Variants in ABHD6 observed in about 807,000 individuals in gnomAD.
ABHD6 encodes the protein monoacylglycerol lipase ABHD6.
A neutral mutation model predicts 38.8 loss-of-function variants in ABHD6; 33 were observed. The observed-to-expected ratio is 0.85, with a 90% confidence interval of 0.64 to 1.14. The LOEUF is 1.14. Among genes scored for constraint, ABHD6 ranks in the 50% most tolerant of loss-of-function variants. ABHD6 has a pLI of 0.00. For missense variants in ABHD6, 380 were observed against 422.6 expected (o/e 0.90, Z 0.88); for synonymous variants, 147 against 161.6 (o/e 0.91, Z 0.69).
chr3:58,292,649 G>A (rs2097464065), intron 9 of ABHD6, among the ~76,000 whole-genome samples: 1 of 152,092 alleles, frequency 6.6e-6, no homozygotes, highest in South Asian at 2.1e-4. Context: ...GGGTGCGGTG[G>A]CTCAGGCCTG....
intron 7 of ABHD6, among the ~76,000 whole-genome samples, chr3:58,284,082 A>G (rs1418909872): frequency 6.6e-6 from 1 of 152,182 alleles, no homozygotes; most frequent in Non-Finnish European, 1.5e-5. Context: ...AGAGGAGTAC[A>G]GCCACTAATG....
At chr3:58,289,039 TG>T (rs1326256231) in intron 9 of ABHD6, among the ~76,000 whole-genome samples, 1 of 152,082 alleles carries the variant, frequency 6.6e-6, no homozygotes, top group East Asian at 1.9e-4. Context: ...TTTTGTTTTT[TG>T]TTGGGCAGGG....
chr3:58,257,529 A>G lies in ABHD6; in HGVS notation c.119+824A>G, dbSNP rs1276841231. On this transcript the variant is annotated intron_variant, in intron 3 of 9. Transcript: ENST00000478253. The surrounding 1 kb of genome is among the most constrained non-coding windows in gnomAD (Gnocchi z 4.8). ...AGGCACGTGCCACCATGCCTAGCTA[A>G]TTTTTATATTTTTAGTAGAGACAGG... is the stretch of plus-strand genomic sequence containing the variant. 6.6e-6 allele frequency among the ~76,000 whole-genome samples: 1 copy of G among 151,662 alleles called. No individual in the cohort carries two copies. Among genetic ancestry groups the G allele is most frequent in the Non-Finnish European group, 1.5e-5 (1 of 67,906 alleles).
Position 58,274,153 on chromosome 3 carries a change from T to C in ABHD6, c.524-505T>C, listed in dbSNP as rs532504805. Among the ~76,000 whole-genome samples, 51 of 152,308 alleles carry C rather than the reference T, an allele frequency of 3.3e-4. 2 individuals are homozygous for C. In the South Asian group the frequency reaches 0.01, roughly 30 times the overall value. On this transcript the variant is annotated intron_variant, in intron 6 of 9. Coordinates refer to ENST00000478253, the MANE Select transcript of ABHD6 (RefSeq NM_001320126.2). ...CTCCCAGTCCCCCTGTGTTTTATCA[T>C]TGACCCCAAATAAGAGAGTACCACG...
At chr3:58,291,427 T>C (rs1180310245) in intron 9 of ABHD6, among the ~76,000 whole-genome samples, 2 of 151,458 alleles carry the variant, frequency 1.3e-5, no homozygotes, top group Non-Finnish European at 2.9e-5. Flanking sequence ...GGGAGAGCAA[T>C]TTTTTATTTT....
intron 9 of ABHD6, among the ~76,000 whole-genome samples, chr3:58,291,090 T>C (rs1235801870): frequency 3.3e-5 from 5 of 150,108 alleles, no homozygotes; most frequent in East Asian, 2.0e-4. Flanking sequence ...CTGGGCACCA[T>C]TGAGCACTGA....
chr3:58,267,266 G>T lies in ABHD6; in HGVS notation c.197G>T (p.Gly66Val), dbSNP rs760913426. The change falls in exon 4 of 10, where the codon GGC becomes GTC. Residue 66 changes from glycine (G) to valine (V), a missense_variant. Gly to Val is a moderately radical substitution (Grantham distance 109). Coordinates refer to ENST00000478253, the MANE Select transcript of ABHD6 (RefSeq NM_001320126.2). The surrounding 1 kb of genome is among the most constrained non-coding windows in gnomAD (Gnocchi z 4.3). Reference sequence around the variant, plus strand: ...TATCAGTTCTGTTATTCCTTCCGGGGCAGGCCTGGGCACAAACCCTCCATC... The same window carrying T: ...TATCAGTTCTGTTATTCCTTCCGGGTCAGGCCTGGGCACAAACCCTCCATC... The part of the protein sequence containing the change: ...EDYQFCYSFR[G>V]RPGHKPSILM... The T allele has an allele frequency of 4.3e-6, 7 of 1,614,152 alleles. No homozygotes were observed. Among genetic ancestry groups the T allele is most frequent in the Non-Finnish European group, 5.9e-6 (7 of 1,180,008 alleles).
chr3:58,278,850 C>T (rs965552055), intron 7 of ABHD6, among the ~76,000 whole-genome samples: 2 of 152,104 alleles, frequency 1.3e-5, no homozygotes, highest in Non-Finnish European at 2.9e-5. Flanking sequence ...GCCTTCATTT[C>T]GATATTTACC....
rs200001680 is a variant in ABHD6, at chr3:58,271,766, G to T, written c.523+702G>T. 6.6e-3 allele frequency among the ~76,000 whole-genome samples: 417 copies of T among 63,516 alleles called. 1 individual carries two copies. Among genetic ancestry groups the T allele is most frequent in the East Asian group, 0.013 (24 of 1,800 alleles). The allele number at this position is 63,516 out of a possible 152,430, so 41.7% of individuals were successfully genotyped here. A position where few individuals can be genotyped will look rare whatever the true frequency, so the allele number is the denominator to read the frequency against. ...CTCTCCTCTATCTCCCCCTCTCTCT[G>T]TTTTTTTTTTTTTTTTTTTTTTTTG... is the stretch of plus-strand genomic sequence containing the variant. On this transcript the variant is annotated intron_variant, in intron 6 of 9. Transcript: ENST00000478253.
In ABHD6 at chr3:58,269,485, A is replaced by G. The variant is rs1220116052; in HGVS notation, c.390+51A>G. On this transcript the variant is annotated intron_variant, in intron 5 of 9. Transcript: ENST00000478253. This position sits in a 1 kb window ranked among gnomAD's most constrained non-coding sequence, Gnocchi z 4.4. ...TGCCCAGACTGTCTCAGCCACCATT[A>G]CATGTCTGAGTCTGGAGAGCAGGGA... The G allele has an allele frequency of 1.4e-6, 2 of 1,403,102 alleles. No homozygotes were observed. Among genetic ancestry groups the G allele is most frequent in the Admixed American group, 1.8e-5 (1 of 56,912 alleles). 86.9% of individuals were successfully genotyped at this position (1,403,102 alleles called of 1,614,324 possible).
chr3:58,267,382 G>T lies in ABHD6; in HGVS notation c.276+37G>T, dbSNP rs1320654078. 1.2e-6 allele frequency: 2 copies of T among 1,611,656 alleles called. No individual in the cohort carries two copies. The highest frequency in any genetic ancestry group is 3.3e-5 in the Admixed American group (2 of 59,736). ...GATTCTTCTCTCTTATAAGAAAAGG[G>T]AGTTGGGTGCTGTGGCTCATGCCTA... is the stretch of plus-strand genomic sequence containing the variant. On this transcript the variant is annotated intron_variant, in intron 4 of 9. Transcript: ENST00000478253. This position sits in a 1 kb window ranked among gnomAD's most constrained non-coding sequence, Gnocchi z 4.3.
At chr3:58,275,549 G>A (rs994686120) in intron 7 of ABHD6, among the ~76,000 whole-genome samples, 3 of 152,036 alleles carry the variant, frequency 2.0e-5, no homozygotes, top group Middle Eastern at 3.4e-3. Flanking sequence ...GGCTGGTCTC[G>A]AACTCCTGAC....
Position 58,263,648 on chromosome 3 carries a change from C to T in ABHD6, c.120-3541C>T, listed in dbSNP as rs9836826. Among the ~76,000 whole-genome samples, 23,246 of 152,048 alleles carry T rather than the reference C, an allele frequency of 0.15. 2,705 individuals carry two copies. Among genetic ancestry groups the T allele is most frequent in the African/African-American group, 0.33 (13,643 of 41,392 alleles). The stretch of plus-strand genomic sequence containing the variant: ...TCTGCTGTCTCTACCTCCTGGCACA[C>T]CTTCTCCAGCTTCCAGCTGATGTAT... On this transcript the variant is annotated intron_variant, in intron 3 of 9. Transcript: ENST00000478253. This position sits in a 1 kb window ranked among gnomAD's most constrained non-coding sequence, Gnocchi z 4.9.
chr3:58,282,291 T>C (rs2097453890), intron 7 of ABHD6, among the ~76,000 whole-genome samples: 2 of 152,070 alleles, frequency 1.3e-5, no homozygotes, highest in Admixed American at 1.3e-4. Flanking sequence ...AGGAACCCAT[T>C]TGGGAACTAT....
chr3:58,255,678 C>A (rs2107434902), intron 2 of ABHD6, among the ~76,000 whole-genome samples: 1 of 151,792 alleles, frequency 6.6e-6, no homozygotes, highest in African/African-American at 2.4e-5. Flanking sequence ...GAGATAGAGT[C>A]TTGTTGCCCA....
chr3:58,283,900 G>C (rs1207576922), intron 7 of ABHD6, among the ~76,000 whole-genome samples: 2 of 152,210 alleles, frequency 1.3e-5, no homozygotes, highest in Non-Finnish European at 2.9e-5. Flanking sequence ...TCAACAAATT[G>C]TCATTGTCCT....
chr3:58,268,349 C>G (rs1242686176), intron 4 of ABHD6, among the ~76,000 whole-genome samples: 16 of 152,184 alleles, frequency 1.1e-4, no homozygotes, highest in Non-Finnish European at 2.9e-5. Flanking sequence ...TTCCCACTCC[C>G]TCTTCTACGT....
rs191583810 is a variant in ABHD6 at position 58,250,276 on chromosome 3, T to C, written c.-26+334T>C. Among the ~76,000 whole-genome samples the C allele has an allele frequency of 2.0e-5, 3 of 151,368 alleles. No individual in the cohort carries two copies. In the East Asian group the frequency reaches 5.8e-4, roughly 29 times the overall value. ...AACAGGCTCTGAAGGCAGGGAAGAG[T>C]TCATCAGGCAGCCAGACGTGGGAGT... On this transcript the variant is annotated intron_variant, in intron 2 of 9. Coordinates refer to ENST00000478253, the MANE Select transcript of ABHD6 (RefSeq NM_001320126.2).
At chr3:58,291,771 G>A (rs953375977) in intron 9 of ABHD6, among the ~76,000 whole-genome samples, 1 of 152,068 alleles carries the variant, frequency 6.6e-6, no homozygotes, top group African/African-American at 2.4e-5. Flanking sequence ...TGTGGTTTCT[G>A]ATATCTCTCC....
Sources: gnomAD v4.1 joint callset for allele counts (sites outside exome capture counted in the v4.1 genomes callset) on GRCh38, gnomAD v4.1.1 for gene constraint, Gnocchi (gnomAD v3.1) non-coding constraint, MANE v1.5 for transcripts, NCBI Gene and HGNC (gene_info 2026-07-23, HGNC 2026-07-21) for gene names.